PPP2R2B: variants seen among roughly 807,000 people sequenced by gnomAD.
PPP2R2B encodes the protein protein phosphatase 2 regulatory subunit Bbeta, also known as serine/threonine-protein phosphatase 2A 55 kDa regulatory subunit B beta isoform.
A neutral mutation model predicts 46.0 loss-of-function variants in PPP2R2B; 5 were observed. The ratio of observed to expected loss-of-function variants is 0.11; its 90% CI spans 0.06 to 0.23. PPP2R2B has a LOEUF of 0.23. Among genes scored for constraint, PPP2R2B ranks in the 10% least tolerant of loss-of-function variants. The pLI, the probability that PPP2R2B is intolerant of heterozygous loss-of-function variation, is 1.00. For missense variants in PPP2R2B, 367 were observed against 575.0 expected (o/e 0.64, Z 3.70); for synonymous variants, 215 against 206.7 (o/e 1.04, Z -0.34).
intron 4 of PPP2R2B, 147 bp downstream of exon 4, chr5:146,697,832 C>T: frequency 1.5e-6 from 1 of 658,902 alleles, no homozygotes; most frequent in African/African-American, 1.9e-5. Context: ...CTGTGTGTGC[C>T]AGGCACTCTG....
rs767067382 is a variant in PPP2R2B, at chr5:146,691,212, G to A, written c.363C>T (p.Ser121=). 50 of 1,613,896 alleles carry A rather than the reference G, an allele frequency of 3.1e-5. No individual in the cohort carries two copies. Among genetic ancestry groups the A allele is most frequent in the Non-Finnish European group, 3.6e-5 (42 of 1,180,018 alleles). ...AGCCTTCTGGCCTCTTATCACGCTC[G>A]CTGACTTTCCACAGCTTCACAGTTT... is the stretch of plus-strand genomic sequence containing the variant. ...NDKTVKLWKV[S]ERDKRPEGYN... is the part of the protein sequence containing the mutation. Residue 121 remains serine (S), a synonymous_variant, in exon 5 of 10, where the codon AGC becomes AGT. Coordinates refer to ENST00000394411, the MANE Select transcript of PPP2R2B (RefSeq NM_181675.4).
At chr5:146,866,081 A>G in intron 2 of PPP2R2B, among the ~76,000 whole-genome samples, 1 of 152,202 alleles carries the variant, frequency 6.6e-6, no homozygotes, top group African/African-American at 2.4e-5. Context: ...TCCACATACT[A>G]CAATGGAAGA....
intron 7 of PPP2R2B, 138 bp from the exon 8 acceptor site, chr5:146,600,598 T>G: frequency 1.3e-6 from 1 of 795,122 alleles, no homozygotes; most frequent in Non-Finnish European, 2.0e-6. Flanking sequence ...AAGTTGCTAA[T>G]AGAGAACTGT....
intron 8 of PPP2R2B, 150 bp downstream of exon 8, chr5:146,600,141 G>A (rs1771633699): frequency 2.5e-6 from 2 of 795,496 alleles, no homozygotes; most frequent in African/African-American, 1.7e-5. Context: ...CTTAAATCCT[G>A]TGGCACTTAT....
At chr5:146,828,088 G>T (rs1305496270) in intron 2 of PPP2R2B, among the ~76,000 whole-genome samples, 1 of 151,996 alleles carries the variant, frequency 6.6e-6, no homozygotes, top group African/African-American at 2.4e-5. Context: ...CCTGGCTGCT[G>T]CAATAGTTGC....
chr5:147,064,890 T>C (rs1032178374), intron 2 of PPP2R2B, among the ~76,000 whole-genome samples: 6 of 152,176 alleles, frequency 3.9e-5, no homozygotes, highest in Admixed American at 6.5e-5. Flanking sequence ...GAAATACCAG[T>C]TTGGGCAGTA....
At chr5:146,881,133 C>T (rs188339123), upstream of PPP2R2B, among the ~76,000 whole-genome samples, 504 of 152,276 alleles carry the variant, frequency 3.3e-3, 3 homozygotes, top group Non-Finnish European at 5.2e-3. Flanking sequence ...TCACTGGCCA[C>T]TTCTCTTTTC....
chr5:146,628,006 A>T (rs1189559061), intron 7 of PPP2R2B, among the ~76,000 whole-genome samples: 1 of 151,410 alleles, frequency 6.6e-6, no homozygotes. Context: ...GTGCAGTGGC[A>T]CAATCTCAGC....
At chr5:147,067,590 T>C (rs1757452577) in intron 2 of PPP2R2B, among the ~76,000 whole-genome samples, 1 of 152,160 alleles carries the variant, frequency 6.6e-6, no homozygotes, top group East Asian at 1.9e-4. Flanking sequence ...ACCTGAGTGG[T>C]GGAAACATTA....
At chr5:146,856,479 A>AT in intron 2 of PPP2R2B, 1 of 1,524,598 alleles carries the variant, frequency 6.6e-7, no homozygotes, top group African/African-American at 1.4e-5. Flanking sequence ...AAGAGTAGGT[A>AT]TAAATAATAA....
intron 2 of PPP2R2B, among the ~76,000 whole-genome samples, chr5:146,775,746 C>T (rs185632708): frequency 1.7e-3 from 254 of 152,206 alleles, no homozygotes; most frequent in African/African-American, 5.1e-3. Flanking sequence ...AACACACACA[C>T]GCAAATCTGT....
At chr5:146,685,605 G>T (rs148921786) in intron 5 of PPP2R2B, among the ~76,000 whole-genome samples, 1 of 152,334 alleles carries the variant, frequency 6.6e-6, no homozygotes, top group Non-Finnish European at 1.5e-5. Context: ...TCATTCAGGA[G>T]TCAGAGCTGG....
intron 8 of PPP2R2B, among the ~76,000 whole-genome samples, chr5:146,597,527 A>AT (rs1227308219): frequency 6.6e-6 from 1 of 151,970 alleles, no homozygotes; most frequent in African/African-American, 2.4e-5. Context: ...CTCTCTTTCC[A>AT]TTGTACTCAT....
chr5:147,032,575 C>G (rs139659479), intron 1 of PPP2R2B, among the ~76,000 whole-genome samples: 1 of 152,124 alleles, frequency 6.6e-6, no homozygotes, highest in Non-Finnish European at 1.5e-5. Context: ...ATCCTCATAG[C>G]TTAGCTCTCA....
rs10515575 is a variant in PPP2R2B at position 146,602,663 on chromosome 5, C to T, written c.791-2203G>A. 8.8e-3 allele frequency among the ~76,000 whole-genome samples: 1,341 copies of T among 152,168 alleles called. 22 individuals are homozygous for T. Among genetic ancestry groups the T allele is most frequent in the African/African-American group, 0.03 (1,265 of 41,498 alleles). On this transcript the variant is annotated intron_variant, in intron 7 of 9. Coordinates refer to ENST00000394411, the MANE Select transcript of PPP2R2B (RefSeq NM_181675.4). The stretch of plus-strand genomic sequence containing the variant: ...ATATAATTAAGTTGCTGAATTAAAC[C>T]GTGAACTAAGCCAAAACGTTAATTT...
At chr5:146,645,017 T>C (rs923688857) in intron 6 of PPP2R2B, among the ~76,000 whole-genome samples, 1 of 152,188 alleles carries the variant, frequency 6.6e-6, no homozygotes, top group Non-Finnish European at 1.5e-5. Context: ...TTATAAACAT[T>C]GGCCAAGCTG....
chr5:146,901,211 T>C (rs1463707506), intron 1 of PPP2R2B, among the ~76,000 whole-genome samples: 4 of 152,098 alleles, frequency 2.6e-5, no homozygotes, highest in Non-Finnish European at 5.9e-5. Flanking sequence ...AAAATATCTG[T>C]ACAAATAAAT....
At chr5:146,885,182 TAAC>T (rs1030396600) in intron 1 of PPP2R2B, among the ~76,000 whole-genome samples, 12 of 152,226 alleles carry the variant, frequency 7.9e-5, no homozygotes, top group African/African-American at 2.7e-4. Context: ...CATTTTATTC[TAAC>T]AACAGCCTCT....
rs539357382 is a variant in PPP2R2B at position 146,705,303 on chromosome 5, G to A, written c.71-4161C>T. ...ACTGGATTGGGTTTTGGTAGTTTTC[G>A]CCTTCAGCTAAGATAAGAACAGAAA... On this transcript the variant is annotated intron_variant, in intron 2 of 9. Transcript: ENST00000394411. 3.3e-5 allele frequency among the ~76,000 whole-genome samples: 5 copies of A among 152,150 alleles called. No homozygotes were observed. In the South Asian group the frequency reaches 1.0e-3, roughly 32 times the overall value.
Sources: gnomAD v4.1 joint callset for allele counts (sites outside exome capture counted in the v4.1 genomes callset) on GRCh38, gnomAD v4.1.1 for gene constraint, MANE v1.5 for transcripts, NCBI Gene and HGNC (gene_info 2026-07-23, HGNC 2026-07-21) for gene names.